Variants in SLC38A8 observed in about 807,000 individuals in gnomAD.
The protein encoded by SLC38A8 is amino acid transporter SLC38A8.
Under a neutral mutation model 46.0 loss-of-function variants are expected in SLC38A8, and 65 were observed. The ratio of observed to expected loss-of-function variants is 1.41; its 90% CI spans 1.16 to 1.74. SLC38A8 has a LOEUF of 1.74. Among genes scored for constraint, SLC38A8 ranks in the 40% most tolerant of loss-of-function variants. The pLI is 0.00. For missense variants in SLC38A8, 998 were observed against 567.9 expected, an observed-to-expected ratio of 1.76 and a Z score of -7.70; for synonymous variants, 447 against 243.7, an observed-to-expected ratio of 1.83 and a Z score of -7.77.
chr16:84,025,716 A>G (rs2085155896), intron 6 of SLC38A8, among the ~76,000 whole-genome samples: 1 of 152,190 alleles, frequency 6.6e-6, no homozygotes, highest in African/African-American at 2.4e-5. Flanking sequence ...CCAAGGAAAC[A>G]AGCCCAGCAC....
intron 3 of SLC38A8, among the ~76,000 whole-genome samples, chr16:84,035,195 C>T (rs908973922): frequency 2.0e-5 from 3 of 152,220 alleles, no homozygotes; most frequent in Non-Finnish European, 4.4e-5. Context: ...GCTACCAGTT[C>T]AGTGGAGTTG....
At chr16:84,020,892 G>C (rs1189978722) in intron 7 of SLC38A8, among the ~76,000 whole-genome samples, 1 of 152,242 alleles carries the variant, frequency 6.6e-6, no homozygotes, top group Admixed American at 6.5e-5. Flanking sequence ...CGGCCAGGCT[G>C]AAAGAGTTCC....
At chr16:84,043,118 T>G (rs1447054456), upstream of SLC38A8, among the ~76,000 whole-genome samples, 1 of 152,132 alleles carries the variant, frequency 6.6e-6, no homozygotes, top group African/African-American at 2.4e-5. Flanking sequence ...CTTTACCTCC[T>G]CCACCCAACT....
chr16:84,022,057 G>T (rs1433907843), intron 7 of SLC38A8, among the ~76,000 whole-genome samples: 4 of 152,138 alleles, frequency 2.6e-5, no homozygotes, highest in Admixed American at 1.3e-4. Context: ...ATCCCCTCTT[G>T]AAGGCCCCAC....
At chr16:84,016,475 G>A (rs750468543) in intron 9 of SLC38A8, 44 bp downstream of exon 9, 6 of 1,600,136 alleles carry the variant, frequency 3.7e-6, no homozygotes, top group African/African-American at 2.7e-5. Flanking sequence ...GAGATGAGCA[G>A]GGAAGAACAA....
upstream of SLC38A8, among the ~76,000 whole-genome samples, chr16:84,043,137 T>G (rs1225606670): frequency 6.6e-6 from 1 of 152,086 alleles, no homozygotes; most frequent in African/African-American, 2.4e-5. Flanking sequence ...CTCCAGCAGG[T>G]GCGTCTCAGA....
chr16:84,041,909 AC>A (rs2085371147), intron 2 of SLC38A8, 59 bp downstream of exon 2: 1 of 1,466,036 alleles, frequency 6.8e-7, no homozygotes, highest in Non-Finnish European at 9.2e-7. Flanking sequence ...GAGGAACCCC[AC>A]CCAGAAAAGC....
chr16:84,013,299 C>A (rs141785742), intron 9 of SLC38A8, among the ~76,000 whole-genome samples: 1 of 152,066 alleles, frequency 6.6e-6, no homozygotes, highest in African/African-American at 2.4e-5. Context: ...CCCCATCTTT[C>A]AGGCAACCTT....
At chr16:84,021,806 TG>T (rs1159326061) in intron 7 of SLC38A8, among the ~76,000 whole-genome samples, 1 of 152,232 alleles carries the variant, frequency 6.6e-6, no homozygotes, top group Admixed American at 6.5e-5. Context: ...TTTACAGTTA[TG>T]GAGATTGAGA....
chr16:84,017,140 C>G lies in SLC38A8; in HGVS notation c.953G>C (p.Arg318Thr). 6.2e-7 allele frequency: 1 copy of G among 1,614,012 alleles called. No homozygotes were observed. Among genetic ancestry groups the G allele is most frequent in the Non-Finnish European group, 8.5e-7 (1 of 1,179,970 alleles). Residue 318 changes from arginine (R) to threonine (T), a missense_variant and splice_region_variant, in exon 8 of 11, where the codon AGG becomes ACG. Physicochemically the swap from Arg to Thr is moderately conservative, Grantham distance 71. Coordinates refer to ENST00000299709, the MANE Select transcript of SLC38A8 (RefSeq NM_001080442.3). ...TVYPIVLFLG[R>T]SVMQDFWRRS... ...TGCCCCCCACTGAGCCAGGCCTCACCTCCCCAGGAAGAGCACGATGGGGTA... is the reference window on the plus strand; with the variant it reads ...TGCCCCCCACTGAGCCAGGCCTCACGTCCCCAGGAAGAGCACGATGGGGTA...
intron 9 of SLC38A8, among the ~76,000 whole-genome samples, chr16:84,013,286 G>C (rs928176115): frequency 6.6e-6 from 1 of 152,120 alleles, no homozygotes; most frequent in East Asian, 1.9e-4. Flanking sequence ...CGACTTCCCA[G>C]AGCCCCATCT....
intron 3 of SLC38A8, among the ~76,000 whole-genome samples, chr16:84,035,085 A>G (rs1461311028): frequency 6.6e-6 from 1 of 152,176 alleles, no homozygotes; most frequent in Non-Finnish European, 1.5e-5. Flanking sequence ...ACCACAGTCA[A>G]TCAACCCAGA....
At chr16:84,013,729 CT>C (rs11352373) in intron 9 of SLC38A8, among the ~76,000 whole-genome samples, 36,007 of 138,584 alleles carry the variant, frequency 0.26, 4,614 homozygotes, top group African/African-American at 0.35. Flanking sequence ...GCACCCAGCC[CT>C]TTTTTTTTTT....
rs750127529 is a variant in SLC38A8, at chr16:84,009,811, C to T, written c.1281G>A (p.Thr427=). 2.9e-5 allele frequency: 47 copies of T among 1,613,928 alleles called. No homozygotes were observed. Among genetic ancestry groups the T allele is most frequent in the African/African-American group, 4.0e-5 (3 of 74,930 alleles). ...AGAACATCTCCCAGACCGCTGCCGCCGTGCTCTGCCCAAAGATGAAGGTGC... is the reference window on the plus strand; with the variant it reads ...AGAACATCTCCCAGACCGCTGCCGCTGTGCTCTGCCCAAAGATGAAGGTGC... ...LVGTFIFGQS[T]AAAVWEMF Residue 427 remains threonine, a synonymous_variant, in exon 11 of 11, where the codon ACG becomes ACA. Coordinates refer to ENST00000299709, the MANE Select transcript of SLC38A8 (RefSeq NM_001080442.3).
Position 84,009,667 on chromosome 16 carries a change from T to A in SLC38A8, c.*117A>T. The A allele has an allele frequency of 2.4e-6, 2 of 839,310 alleles. No homozygotes were observed. 52.0% of individuals were successfully genotyped at this position (839,310 alleles called of 1,614,324 possible). The stretch of plus-strand genomic sequence containing the variant: ...GAGCAGCCCAAGGAGGCAGAAGGCA[T>A]CAGTCTCTCCAGCATCTTTATGAGG... On this transcript the variant is annotated 3_prime_UTR_variant, in exon 11 of 11. Transcript: ENST00000299709.
At chr16:84,028,891 T>A (rs780125624) in intron 6 of SLC38A8, among the ~76,000 whole-genome samples, 3 of 152,108 alleles carry the variant, frequency 2.0e-5, no homozygotes, top group Non-Finnish European at 2.9e-5. Context: ...CCCCACCACC[T>A]TGAGCGGACA....
chr16:84,016,052 T>C (rs1311670031), intron 9 of SLC38A8, among the ~76,000 whole-genome samples: 1 of 148,248 alleles, frequency 6.7e-6, no homozygotes, highest in Non-Finnish European at 1.5e-5. Context: ...GGCCTCACAA[T>C]CATGGCAAAA....
At chr16:84,012,968 C>A (rs561107010) in intron 10 of SLC38A8, 33 bp downstream of exon 10, 1 of 1,612,536 alleles carries the variant, frequency 6.2e-7, no homozygotes, top group South Asian at 1.1e-5. Flanking sequence ...CCGGGGCACA[C>A]CCAGGGTGCC....
chr16:84,022,627 C>G, intron 7 of SLC38A8, 148 bp downstream of exon 7: 2 of 635,872 alleles, frequency 3.1e-6, no homozygotes, highest in South Asian at 2.0e-5. Flanking sequence ...GAGGCCTTTT[C>G]CTATGCACAC....
Sources: gnomAD v4.1 joint callset for allele counts (sites outside exome capture counted in the v4.1 genomes callset) on GRCh38, gnomAD v4.1.1 for gene constraint, MANE v1.5 for transcripts, NCBI Gene and HGNC (gene_info 2026-07-23, HGNC 2026-07-21) for gene names.